KIAA1217: variants seen among roughly 807,000 people sequenced by gnomAD.
The protein encoded by KIAA1217 is KIAA1217, also known as sickle tail protein homolog.
KIAA1217 carries 88 observed loss-of-function variants against 163.9 expected under a neutral mutation model. That is an observed-to-expected ratio of 0.54 (90% CI 0.45 to 0.64). The LOEUF (loss-of-function observed/expected upper bound fraction) is 0.64. Ranked by LOEUF, KIAA1217 falls within the 30% of genes least tolerant of loss-of-function variation. The pLI, the probability that KIAA1217 is intolerant of heterozygous loss-of-function variation, is 0.00. For missense variants in KIAA1217, 2,372 were observed against 2,475.0 expected (o/e 0.96, Z 0.88); for synonymous variants, 903 against 923.1 (o/e 0.98, Z 0.39).
intron 1 of KIAA1217, among the ~76,000 whole-genome samples, chr10:23,811,871 A>T (rs1156994238): frequency 1.3e-5 from 2 of 152,120 alleles, no homozygotes; most frequent in Non-Finnish European, 2.9e-5. Context: ...GTGGAAATAG[A>T]AGAGGTGTGC....
intron 5 of KIAA1217, among the ~76,000 whole-genome samples, chr10:24,441,571 T>C (rs914597667): frequency 6.6e-6 from 1 of 152,132 alleles, no homozygotes; most frequent in African/African-American, 2.4e-5. Context: ...TGTACTAAAT[T>C]TTCATCTAGC....
chr10:24,035,942 A>G (rs1034949651), intron 2 of KIAA1217, among the ~76,000 whole-genome samples: 1 of 152,194 alleles, frequency 6.6e-6, no homozygotes, highest in Non-Finnish European at 1.5e-5. Context: ...TATGGATGGA[A>G]GGAGCAGTCA....
chr10:24,072,504 G>T (rs1411536396), intron 2 of KIAA1217, among the ~76,000 whole-genome samples: 2 of 152,012 alleles, frequency 1.3e-5, no homozygotes, highest in Non-Finnish European at 2.9e-5. Flanking sequence ...TTATTTTCAG[G>T]CTATTGTTTA....
At chr10:23,801,316 G>T (rs565630734) in intron 1 of KIAA1217, among the ~76,000 whole-genome samples, 1 of 152,224 alleles carries the variant, frequency 6.6e-6, no homozygotes, top group Non-Finnish European at 1.5e-5. Context: ...AACACACTGG[G>T]GCCTGTCGTG....
intron 2 of KIAA1217, among the ~76,000 whole-genome samples, chr10:24,377,670 T>C (rs2052695026): frequency 6.6e-6 from 1 of 152,228 alleles, no homozygotes; most frequent in South Asian, 2.1e-4. Flanking sequence ...CATCCTTGTA[T>C]TGTAACCCCT....
intron 2 of KIAA1217, among the ~76,000 whole-genome samples, chr10:24,283,400 C>T (rs1337473484): frequency 6.6e-5 from 10 of 152,092 alleles, no homozygotes; most frequent in East Asian, 3.9e-4. Context: ...GGGATGGTGG[C>T]TTACGCCTGT....
chr10:23,790,385 AC>A lies in KIAA1217; in HGVS notation c.-321+95152del, dbSNP rs1253557062. 2.3e-5 allele frequency among the ~76,000 whole-genome samples: 2 copies of A among 88,350 alleles called. 1 individual carries two copies. The highest frequency in any genetic ancestry group is 2.4e-4 in the Admixed American group (2 of 8,272). The allele number at this position is 88,350 out of a possible 152,430, so 58.0% of individuals were successfully genotyped here. A position where few individuals can be genotyped will look rare whatever the true frequency, so the allele number is the denominator to read the frequency against. On this transcript the variant is annotated intron_variant, in intron 1 of 18. Transcript: ENST00000376462. ...TATATACATATACATATGTATATAT[AC>A]ATATGTATATATACATATATACATA... is the stretch of plus-strand genomic sequence containing the variant.
intron 2 of KIAA1217, among the ~76,000 whole-genome samples, chr10:24,025,146 A>G (rs1847887593): frequency 6.6e-6 from 1 of 151,806 alleles, no homozygotes; most frequent in Admixed American, 6.6e-5. Flanking sequence ...GAATCTTTTT[A>G]GGTCTTACAT....
intron 2 of KIAA1217, among the ~76,000 whole-genome samples, chr10:24,099,553 A>G (rs1335647287): frequency 1.4e-5 from 2 of 146,664 alleles, no homozygotes; most frequent in African/African-American, 5.0e-5. Context: ...CATGGTGTAT[A>G]TGTGCCACAT....
rs191913438 is a variant in KIAA1217, at chr10:24,023,325, G to T, written c.-171+15951G>T. Among the ~76,000 whole-genome samples the T allele has an allele frequency of 2.5e-3, 374 of 151,764 alleles. 1 individual carries two copies. Among genetic ancestry groups the T allele is most frequent in the African/African-American group, 8.6e-3 (356 of 41,488 alleles). ...TTATAACCATTCTGGCAAACTGTTT[G>T]CCAGTATCTATTAAGCTAAATATAT... On this transcript the variant is annotated intron_variant, in intron 2 of 18. Coordinates refer to the KIAA1217 transcript ENST00000376462.
At chr10:24,055,375 A>G (rs993177108) in intron 2 of KIAA1217, among the ~76,000 whole-genome samples, 3 of 152,228 alleles carry the variant, frequency 2.0e-5, no homozygotes, top group Non-Finnish European at 2.9e-5. Flanking sequence ...GTTTAACTAA[A>G]TTACCATCAG....
chr10:23,984,709 C>T (rs1013635119), intron 1 of KIAA1217, among the ~76,000 whole-genome samples: 8 of 150,138 alleles, frequency 5.3e-5, no homozygotes, highest in African/African-American at 2.0e-4. Context: ...GGGAGTTGAA[C>T]ATTGAGAACA....
intron 2 of KIAA1217, among the ~76,000 whole-genome samples, chr10:24,277,720 T>C (rs1444255584): frequency 1.3e-5 from 2 of 152,238 alleles, no homozygotes; most frequent in African/African-American, 2.4e-5. Flanking sequence ...ACCATGATTG[T>C]AAGTTTCCTG....
chr10:23,943,771 G>A (rs12357808), intron 1 of KIAA1217, among the ~76,000 whole-genome samples: 30,457 of 152,108 alleles, frequency 0.2, 3,312 homozygotes, highest in Middle Eastern at 0.27. Context: ...GGTAAGGATA[G>A]GCAGAGAATG....
chr10:23,861,351 T>C (rs942049913), intron 1 of KIAA1217, among the ~76,000 whole-genome samples: 1 of 152,188 alleles, frequency 6.6e-6, no homozygotes, highest in East Asian at 1.9e-4. Flanking sequence ...ACACAGTGAC[T>C]TTATAGTAGT....
At chr10:24,077,213 T>C (rs1564672502) in intron 2 of KIAA1217, among the ~76,000 whole-genome samples, 1 of 152,220 alleles carries the variant, frequency 6.6e-6, no homozygotes, top group East Asian at 1.9e-4. Flanking sequence ...GGGTTACATG[T>C]GCAGGATGTG....
chr10:24,209,308 C>A, intron 1 of KIAA1217, 45 bp downstream of exon 1: 1 of 1,434,864 alleles, frequency 7.0e-7, no homozygotes, highest in Non-Finnish European at 9.8e-7. Context: ...GGGACGCGTG[C>A]CCCTTGCCGC....
chr10:24,282,756 C>T (rs891118588), intron 2 of KIAA1217, among the ~76,000 whole-genome samples: 3 of 150,884 alleles, frequency 2.0e-5, no homozygotes, highest in Admixed American at 1.3e-4. Flanking sequence ...TGCCACAATC[C>T]TAAAATCAAC....
intron 1 of KIAA1217, among the ~76,000 whole-genome samples, chr10:23,996,341 C>G (rs1052648124): frequency 2.6e-5 from 4 of 152,100 alleles, no homozygotes; most frequent in Non-Finnish European, 4.4e-5. Flanking sequence ...ATTTGGGGAC[C>G]ATAACCGCAA....
Sources: gnomAD v4.1 joint callset for allele counts (sites outside exome capture counted in the v4.1 genomes callset) on GRCh38, gnomAD v4.1.1 for gene constraint, MANE v1.5 for transcripts, NCBI Gene and HGNC (gene_info 2026-07-23, HGNC 2026-07-21) for gene names.